KYAT3: variants seen among roughly 807,000 people sequenced by gnomAD.
KYAT3 encodes the protein kynurenine aminotransferase 3.
KYAT3 carries 50 observed loss-of-function variants against 59.0 expected under a neutral mutation model. The ratio of observed to expected loss-of-function variants is 0.85; its 90% CI spans 0.68 to 1.07. KYAT3 has a LOEUF of 1.07. Among genes scored for constraint, KYAT3 ranks in the 50% least tolerant of loss-of-function variants. The pLI, the probability that KYAT3 is intolerant of heterozygous loss-of-function variation, is 0.00. For synonymous variants in KYAT3, 148 were observed against 177.0 expected (o/e 0.84, Z 1.30); for missense variants, 497 against 533.3 (o/e 0.93, Z 0.67).
intron 5 of KYAT3, among the ~76,000 whole-genome samples, chr1:88,963,463 T>C (rs983374583): frequency 6.6e-6 from 1 of 152,200 alleles, no homozygotes; most frequent in Non-Finnish European, 1.5e-5. Context: ...ACAAAGCAGA[T>C]AGTGGCATCT....
intron 2 of KYAT3, among the ~76,000 whole-genome samples, chr1:88,974,148 G>C (rs897537900): frequency 1.3e-5 from 2 of 152,190 alleles, no homozygotes; most frequent in African/African-American, 2.4e-5. Context: ...CCACACTTCG[G>C]GACCAGGAAA....
intron 4 of KYAT3, among the ~76,000 whole-genome samples, chr1:88,967,747 T>C (rs1309324485): frequency 6.6e-6 from 1 of 152,198 alleles, no homozygotes; most frequent in Non-Finnish European, 1.5e-5. Context: ...ATATTCCTTC[T>C]TTCATTCTTC....
chr1:88,935,746 G>A (rs928284783), downstream of KYAT3: 25 of 361,662 alleles, frequency 6.9e-5, no homozygotes, highest in Admixed American at 1.8e-4. Flanking sequence ...CTGGTTAGGA[G>A]TTTTTACACA....
chr1:88,991,751 C>A (rs1204029115), intron 1 of KYAT3, among the ~76,000 whole-genome samples: 1 of 152,232 alleles, frequency 6.6e-6, no homozygotes, highest in Non-Finnish European at 1.5e-5. Context: ...GGCTGCCTGG[C>A]TGATAGCAGG....
chr1:88,936,160 A>G lies in KYAT3; in HGVS notation c.*23T>C. On this transcript the variant is annotated 3_prime_UTR_variant, in exon 14 of 14. Coordinates refer to ENST00000260508, the MANE Select transcript of KYAT3 (RefSeq NM_001008661.3). Reference sequence around the variant, plus strand: ...ATTCCATACTAGGTCATCTAACAGAAACATTAATCCATTCTGCACAAATCA... The same window carrying G: ...ATTCCATACTAGGTCATCTAACAGAGACATTAATCCATTCTGCACAAATCA... 1 of 1,552,612 alleles carries G rather than the reference A, an allele frequency of 6.4e-7. No individual in the cohort carries two copies.
chr1:88,983,948 G>A (rs1570843483), intron 2 of KYAT3: 7 of 1,085,906 alleles, frequency 6.4e-6, no homozygotes, highest in Non-Finnish European at 9.7e-6. Context: ...ACTGAACCGC[G>A]AAGCCGCTAG....
chr1:88,943,283 C>G, intron 12 of KYAT3, 67 bp downstream of exon 12: 1 of 1,067,352 alleles, frequency 9.4e-7, no homozygotes, highest in Non-Finnish European at 1.4e-6. Flanking sequence ...CAAAGCATAC[C>G]AGCAGATTTC....
chr1:88,978,760 C>G (rs954548625), intron 2 of KYAT3, among the ~76,000 whole-genome samples: 1 of 151,418 alleles, frequency 6.6e-6, no homozygotes, highest in African/African-American at 2.4e-5. Flanking sequence ...ATCCTCCTGT[C>G]TTGGCCTCTC....
In KYAT3 at chr1:88,964,828, C is replaced by T; in HGVS notation, c.453+1G>A. 6.3e-7 allele frequency: 1 copy of T among 1,585,076 alleles called. No homozygotes were observed. Among genetic ancestry groups the T allele is most frequent in the Non-Finnish European group, 8.6e-7 (1 of 1,166,540 alleles). ...TATTACGATAATGTTAATATACTTACTTCATCTCCCTCATCAATTAATGCT... is the reference window on the plus strand; with the variant it reads ...TATTACGATAATGTTAATATACTTATTTCATCTCCCTCATCAATTAATGCT... On this transcript the variant is annotated splice_donor_variant, in intron 5 of 13. Transcript: ENST00000260508. LOFTEE classifies it high-confidence loss of function.
rs1201766230 is a variant in KYAT3, at chr1:88,936,004, A to T, written c.*179T>A. The T allele has an allele frequency of 2.0e-6, 1 of 508,698 alleles. No individual in the cohort carries two copies. Among genetic ancestry groups the T allele is most frequent in the African/African-American group, 1.9e-5 (1 of 53,194 alleles). 31.5% of individuals were successfully genotyped at this position (508,698 alleles called of 1,614,324 possible). A position where few individuals can be genotyped will look rare whatever the true frequency, so the allele number is the denominator to read the frequency against. On this transcript the variant is annotated 3_prime_UTR_variant, in exon 14 of 14. Transcript: ENST00000260508. ...TGTGTTAATACATTTCAACTGGAAA[A>T]AAAAGGTCAGATCCCCCGAAAATGT...
At chr1:88,986,567 C>T (rs1190176833) in intron 2 of KYAT3, among the ~76,000 whole-genome samples, 1 of 150,296 alleles carries the variant, frequency 6.7e-6, no homozygotes, top group Non-Finnish European at 1.5e-5. Context: ...GCTGGGATTG[C>T]AGGTGTTAGC....
intron 8 of KYAT3, among the ~76,000 whole-genome samples, chr1:88,955,642 C>CT: frequency 6.6e-6 from 1 of 152,130 alleles, no homozygotes; most frequent in Non-Finnish European, 1.5e-5. Context: ...GTTTAGGCCC[C>CT]TTTATTTTGC....
At chr1:88,990,509 T>A (rs1220780757) in intron 1 of KYAT3, among the ~76,000 whole-genome samples, 1 of 152,232 alleles carries the variant, frequency 6.6e-6, no homozygotes, top group Non-Finnish European at 1.5e-5. Flanking sequence ...CTCTGCAGCT[T>A]TAGATACTGG....
At chr1:88,935,435 A>G (rs1434539933), downstream of KYAT3, among the ~76,000 whole-genome samples, 1 of 152,050 alleles carries the variant, frequency 6.6e-6, no homozygotes, top group Admixed American at 6.6e-5. Flanking sequence ...AGAATAGGTC[A>G]TTATAGTGGG....
chr1:88,922,985 G>T, the KYAT3 span, among the ~76,000 whole-genome samples: 1 of 152,170 alleles, frequency 6.6e-6, no homozygotes, highest in Admixed American at 6.5e-5. Flanking sequence ...TATCACTAGA[G>T]GGGTAATCTT....
intron 2 of KYAT3, among the ~76,000 whole-genome samples, chr1:88,971,139 A>G (rs1676540757): frequency 1.3e-5 from 2 of 152,228 alleles, no homozygotes; most frequent in Admixed American, 6.5e-5. Context: ...TTAAAGCTTA[A>G]TTCATTCAGT....
chr1:88,943,483 A>C, intron 11 of KYAT3, 60 bp from the exon 12 acceptor site: 3 of 844,374 alleles, frequency 3.6e-6, no homozygotes, highest in African/African-American at 1.7e-5. Context: ...CATGTATTTC[A>C]TTTAAGTCTA....
chr1:88,936,332 A>G, intron 13 of KYAT3, 87 bp from the exon 14 acceptor site: 1 of 1,006,190 alleles, frequency 9.9e-7, no homozygotes, highest in Non-Finnish European at 1.5e-6. Flanking sequence ...CATAATGAAG[A>G]TTTAAGTGAA....
chr1:88,937,758 T>C (rs934753487), intron 13 of KYAT3, among the ~76,000 whole-genome samples: 10 of 152,162 alleles, frequency 6.6e-5, no homozygotes, highest in Admixed American at 6.5e-4. Context: ...TAGAGTATCA[T>C]CACTTCTGTG....
Sources: allele counts gnomAD v4.1 joint callset (sites outside exome capture counted in the v4.1 genomes callset), GRCh38; gene constraint gnomAD v4.1.1; transcripts MANE v1.5; gene names NCBI Gene and HGNC (gene_info 2026-07-23, HGNC 2026-07-21).